Variants in ASB4 observed in about 807,000 individuals in gnomAD.
ASB4 encodes ankyrin repeat and SOCS box protein 4.
Under a neutral mutation model 38.6 loss-of-function variants are expected in ASB4, and 35 were observed. The observed-to-expected ratio is 0.91, with a 90% confidence interval of 0.69 to 1.20. The LOEUF is 1.20. Ranked by LOEUF, ASB4 falls within the 50% of genes most tolerant of loss-of-function variation. ASB4 has a pLI of 0.00. For missense variants in ASB4, 557 were observed against 527.2 expected (o/e 1.06, Z -0.55); for synonymous variants, 195 against 201.3 (o/e 0.97, Z 0.26).
intron 2 of ASB4, among the ~76,000 whole-genome samples, chr7:95,517,842 G>A (rs539093848): frequency 7.2e-5 from 11 of 152,170 alleles, no homozygotes; most frequent in African/African-American, 2.2e-4. Flanking sequence ...CAAACAAAAA[G>A]CAATAGAAAG....
the ASB4 span, among the ~76,000 whole-genome samples, chr7:95,547,608 G>A: frequency 6.6e-6 from 1 of 152,214 alleles, no homozygotes; most frequent in Non-Finnish European, 1.5e-5. Context: ...AGTTTTGTGT[G>A]TTAACTTGGC....
downstream of ASB4, among the ~76,000 whole-genome samples, chr7:95,541,825 C>T (rs1241693136): frequency 6.6e-6 from 1 of 152,014 alleles, no homozygotes; most frequent in African/African-American, 2.4e-5. Flanking sequence ...CAATGAGATC[C>T]CTAGCAGGGA....
At chr7:95,527,703 C>A in intron 2 of ASB4, 110 bp from the exon 3 acceptor site, 1 of 1,070,600 alleles carries the variant, frequency 9.3e-7, no homozygotes, top group Non-Finnish European at 1.3e-6. Context: ...GGATAATATA[C>A]GGCAGTCAGA....
upstream of ASB4, among the ~76,000 whole-genome samples, chr7:95,476,199 A>G (rs1789975169): frequency 6.6e-6 from 1 of 152,156 alleles, no homozygotes; most frequent in Non-Finnish European, 1.5e-5. Context: ...TCCCTACTAC[A>G]CCTATCACAG....
intron 3 of ASB4, among the ~76,000 whole-genome samples, chr7:95,532,008 T>C (rs1390418466): frequency 6.6e-6 from 1 of 152,176 alleles, no homozygotes; most frequent in Non-Finnish European, 1.5e-5. Flanking sequence ...ATTACAAACA[T>C]TTTTGTTGCT....
In ASB4 at chr7:95,505,696, C is replaced by CG. The variant is rs909050688; in HGVS notation, c.487+9639_487+9640insG. Among the ~76,000 whole-genome samples the CG allele has an allele frequency of 7.4e-3, 1,067 of 144,194 alleles. 14 individuals carry two copies. Among genetic ancestry groups the CG allele is most frequent in the African/African-American group, 0.025 (1,009 of 39,836 alleles). 94.6% of individuals were successfully genotyped at this position (144,194 alleles called of 152,430 possible). ...TTTCCTCTATCCGTGTCCCCCCCCCCCCAAATACTTATTCATTCCCTGTCC... is the reference window on the plus strand; with the variant it reads ...TTTCCTCTATCCGTGTCCCCCCCCCCGCCAAATACTTATTCATTCCCTGTCC... On this transcript the variant is annotated intron_variant, in intron 2 of 4. Coordinates refer to ENST00000325885, the MANE Select transcript of ASB4 (RefSeq NM_016116.3).
At chr7:95,533,386 G>C (rs1790845419) in intron 3 of ASB4, among the ~76,000 whole-genome samples, 2 of 152,158 alleles carry the variant, frequency 1.3e-5, no homozygotes, top group Admixed American at 6.5e-5. Flanking sequence ...TCTTCGTGCT[G>C]TGACACCAAG....
At chr7:95,477,985 T>G (rs1283199472), upstream of ASB4, among the ~76,000 whole-genome samples, 2 of 152,144 alleles carry the variant, frequency 1.3e-5, no homozygotes, top group African/African-American at 4.8e-5. Flanking sequence ...CTTCATGAAT[T>G]AGATACTTCC....
chr7:95,532,916 C>G (rs932135267), intron 3 of ASB4, among the ~76,000 whole-genome samples: 1 of 152,160 alleles, frequency 6.6e-6, no homozygotes, highest in Non-Finnish European at 1.5e-5. Context: ...CTGGCAAGGT[C>G]AAAAGGAGGC....
At chr7:95,501,720 A>G (rs980530790) in intron 2 of ASB4, among the ~76,000 whole-genome samples, 1 of 152,116 alleles carries the variant, frequency 6.6e-6, no homozygotes, top group African/African-American at 2.4e-5. Flanking sequence ...TAGAGGTGTC[A>G]CCTTTCCCAG....
Position 95,526,854 on chromosome 7 carries a change from G to T in ASB4, c.488-959G>T, listed in dbSNP as rs536046765. ...AGAGTTGGCCCCCTAAGGGTCATTT[G>T]GTTCACCTCATTAAATTAGGCAGAG... On this transcript the variant is annotated intron_variant, in intron 2 of 4. Coordinates refer to ENST00000325885, the MANE Select transcript of ASB4 (RefSeq NM_016116.3). Among the ~76,000 whole-genome samples, 312 of 152,246 alleles carry T rather than the reference G, an allele frequency of 2.0e-3. 1 individual carries two copies. Among genetic ancestry groups the T allele is most frequent in the Non-Finnish European group, 3.5e-3 (241 of 68,010 alleles).
intron 1 of ASB4, among the ~76,000 whole-genome samples, chr7:95,489,020 CTTAT>C (rs1297369010): frequency 1.1e-4 from 16 of 152,284 alleles, no homozygotes; most frequent in Non-Finnish European, 2.9e-5. Context: ...CTAAACCATT[CTTAT>C]TTATTTAGAA....
At chr7:95,494,431 G>C (rs1473046935) in intron 1 of ASB4, among the ~76,000 whole-genome samples, 3 of 152,168 alleles carry the variant, frequency 2.0e-5, no homozygotes, top group Non-Finnish European at 2.9e-5. Flanking sequence ...TGAGATTACA[G>C]CTCAAATCCC....
At chr7:95,492,746 A>G (rs574248360) in intron 1 of ASB4, among the ~76,000 whole-genome samples, 47 of 152,364 alleles carry the variant, frequency 3.1e-4, no homozygotes, top group African/African-American at 1.1e-3. Flanking sequence ...GTTAATCAGC[A>G]GGCAAAACAC....
intron 1 of ASB4, 96 bp from the exon 2 acceptor site, chr7:95,495,662 G>A (rs2116589291): frequency 7.8e-7 from 1 of 1,281,170 alleles, no homozygotes; most frequent in Non-Finnish European, 1.1e-6. Flanking sequence ...TATAAATGTG[G>A]CCAAAATAAA....
chr7:95,493,028 C>A (rs1324504606), intron 1 of ASB4, among the ~76,000 whole-genome samples: 1 of 152,130 alleles, frequency 6.6e-6, no homozygotes, highest in Non-Finnish European at 1.5e-5. Context: ...CACATACACA[C>A]GAGGCGTGGA....
In ASB4 at chr7:95,504,960, C is replaced by G. The variant is rs866807207; in HGVS notation, c.487+8903C>G. 1.2e-4 allele frequency among the ~76,000 whole-genome samples: 18 copies of G among 152,306 alleles called. 2 individuals are homozygous for G. In the South Asian group the frequency reaches 1.5e-3, roughly 12 times the overall value. On this transcript the variant is annotated intron_variant, in intron 2 of 4. Coordinates refer to ENST00000325885, the MANE Select transcript of ASB4 (RefSeq NM_016116.3). ...AAGCATGTTCCACGAAAAATCATACCACACTTCAGGAAACACAACCTTAAG... is the reference window on the plus strand; with the variant it reads ...AAGCATGTTCCACGAAAAATCATACGACACTTCAGGAAACACAACCTTAAG...
At chr7:95,491,557 AAATTTTGCTGTGGG>A (rs1790171836) in intron 1 of ASB4, among the ~76,000 whole-genome samples, 1 of 152,244 alleles carries the variant, frequency 6.6e-6, no homozygotes, top group South Asian at 2.1e-4. Flanking sequence ...AGCCCTGGAA[AAATTTTGCTGTGGG>A]AAGAAGGGAG....
chr7:95,499,499 A>T (rs1790300310), intron 2 of ASB4, among the ~76,000 whole-genome samples: 1 of 152,194 alleles, frequency 6.6e-6, no homozygotes, highest in Non-Finnish European at 1.5e-5. Flanking sequence ...GGTTAATTAG[A>T]TGTTCATTAG....
Sources: allele counts gnomAD v4.1 joint callset (sites outside exome capture counted in the v4.1 genomes callset), GRCh38; gene constraint gnomAD v4.1.1; transcripts MANE v1.5; gene names NCBI Gene and HGNC (gene_info 2026-07-23, HGNC 2026-07-21).